Variants in TRIM44 observed in about 807,000 individuals in gnomAD.
TRIM44 encodes the protein tripartite motif-containing protein 44.
A neutral mutation model predicts 37.4 loss-of-function variants in TRIM44; 13 were observed. The observed-to-expected ratio is 0.35, with a 90% CI of 0.23 to 0.55. The LOEUF is 0.55. Among genes scored for constraint, TRIM44 ranks in the 20% least tolerant of loss-of-function variants. The probability of loss-of-function intolerance (pLI) is 0.89; values close to 1 mark genes in which losing one functional copy is unlikely to be tolerated. For missense variants in TRIM44, 426 were observed against 437.2 expected, an observed-to-expected ratio of 0.97 and a Z score of 0.23; for synonymous variants, 175 against 157.2, an observed-to-expected ratio of 1.11 and a Z score of -0.85.
At chr11:35,796,263 G>A (rs1590607405) in intron 4 of TRIM44, among the ~76,000 whole-genome samples, 8 of 149,478 alleles carry the variant, frequency 5.4e-5, no homozygotes, top group Admixed American at 5.3e-4. Context: ...TCGCTCGCTC[G>A]CTGTCACACA....
chr11:35,672,203 T>G (rs1851401079), intron 1 of TRIM44, among the ~76,000 whole-genome samples: 1 of 152,218 alleles, frequency 6.6e-6, no homozygotes. Flanking sequence ...AAATATATTT[T>G]ATACTGTGAT....
chr11:35,684,188 G>T (rs1396731992), intron 1 of TRIM44, among the ~76,000 whole-genome samples: 1 of 152,014 alleles, frequency 6.6e-6, no homozygotes, highest in Non-Finnish European at 1.5e-5. Context: ...TGTGGCTTTG[G>T]AGCACTTGTA....
chr11:35,740,488 T>C (rs1204167593), intron 4 of TRIM44, among the ~76,000 whole-genome samples: 1 of 152,148 alleles, frequency 6.6e-6, no homozygotes, highest in Non-Finnish European at 1.5e-5. Context: ...TTTTTAATAG[T>C]AACACCACAC....
At chr11:35,701,934 A>T (rs146778016) in intron 2 of TRIM44, among the ~76,000 whole-genome samples, 1 of 152,256 alleles carries the variant, frequency 6.6e-6, no homozygotes, top group East Asian at 1.9e-4. Context: ...TCCTTTTCCC[A>T]GAGAGGCCCT....
rs1326181334 is a variant in TRIM44 at position 35,706,226 on chromosome 11, T to G, written c.748-19698T>G. On this transcript the variant is annotated intron_variant, in intron 2 of 4. Transcript: ENST00000299413. ...GACTAAACCAGGAAGAAGTTGAATC[T>G]CTGAATAGACCAATAACAGGCTCTG... Among the ~76,000 whole-genome samples, 6 of 149,208 alleles carry G rather than the reference T, an allele frequency of 4.0e-5. 1 individual carries two copies. The highest frequency in any genetic ancestry group is 1.5e-4 in the African/African-American group (6 of 41,214).
In TRIM44 at chr11:35,663,586, G is replaced by A; in HGVS notation, c.475G>A (p.Ala159Thr). 2 of 1,614,122 alleles carry A rather than the reference G, an allele frequency of 1.2e-6. No homozygotes were observed. ...ATCCGAGGCGGAGGGAGAAACTGAGGCAGAAAGTGAATTTGACCCAGAAAT... is the reference window on the plus strand; with the variant it reads ...ATCCGAGGCGGAGGGAGAAACTGAGACAGAAAGTGAATTTGACCCAGAAAT... ...GESEAEGETE[A>T]ESEFDPEIEM... Residue 159 changes from alanine (A) to threonine (T), a missense_variant, in exon 1 of 5, where the codon GCA becomes ACA. Ala to Thr is a moderately conservative substitution (Grantham distance 58, BLOSUM62 0). Transcript: ENST00000299413.
Position 35,816,661 on chromosome 11 carries a change from G to A in TRIM44, c.*10276G>A, listed in dbSNP as rs1853584044. ...AAAAAAGAGCAATGTGCCGTCTTCT[G>A]TCTTTGGAAAATGGGACAAGCTTGC... On this transcript the variant is annotated 3_prime_UTR_variant, in exon 5 of 5. Transcript: ENST00000299413. The A allele has an allele frequency of 6.6e-6, 1 of 152,232 alleles. No homozygotes were observed. Among genetic ancestry groups the A allele is most frequent in the African/African-American group, 2.4e-5 (1 of 41,468 alleles). 9.4% of individuals were successfully genotyped at this position (152,232 alleles called of 1,614,324 possible).
chr11:35,677,518 A>C (rs1465242589), intron 1 of TRIM44, among the ~76,000 whole-genome samples: 1 of 152,126 alleles, frequency 6.6e-6, no homozygotes, highest in Non-Finnish European at 1.5e-5. Context: ...CAGAAATTAT[A>C]ACTAACATTT....
At chr11:35,768,262 G>A (rs1374704555) in intron 4 of TRIM44, among the ~76,000 whole-genome samples, 1 of 152,188 alleles carries the variant, frequency 6.6e-6, no homozygotes, top group Non-Finnish European at 1.5e-5. Context: ...ACCATGCAAA[G>A]TAGCTTGCAT....
At chr11:35,728,241 G>A (rs367587119) in intron 3 of TRIM44, among the ~76,000 whole-genome samples, 2 of 152,114 alleles carry the variant, frequency 1.3e-5, no homozygotes, top group Admixed American at 6.5e-5. Context: ...CAGAAGAATC[G>A]CTTGAACCCA....
chr11:35,691,108 A>G (rs1321889348), intron 2 of TRIM44, among the ~76,000 whole-genome samples: 3 of 152,210 alleles, frequency 2.0e-5, no homozygotes, highest in Non-Finnish European at 4.4e-5. Flanking sequence ...TCCAACAGAA[A>G]ATGTGGGGAG....
chr11:35,702,912 A>G (rs1168685917), intron 2 of TRIM44, among the ~76,000 whole-genome samples: 1 of 152,220 alleles, frequency 6.6e-6, no homozygotes, highest in Non-Finnish European at 1.5e-5. Flanking sequence ...GGCGCAGGAC[A>G]GTGGGTGCAG....
At chr11:35,706,111 T>C (rs371023615) in intron 2 of TRIM44, among the ~76,000 whole-genome samples, 1 of 148,606 alleles carries the variant, frequency 6.7e-6, no homozygotes, top group Non-Finnish European at 1.5e-5. Flanking sequence ...ATGCAAACTA[T>C]CATCAGAGAA....
chr11:35,707,831 A>G (rs1332712893), intron 2 of TRIM44, among the ~76,000 whole-genome samples: 18 of 137,692 alleles, frequency 1.3e-4, no homozygotes, highest in African/African-American at 4.5e-4. Flanking sequence ...AGGCAATACC[A>G]TTCAAGACAC....
intron 4 of TRIM44, among the ~76,000 whole-genome samples, chr11:35,794,322 C>T (rs1396520028): frequency 1.3e-5 from 2 of 152,224 alleles, no homozygotes; most frequent in Non-Finnish European, 2.9e-5. Flanking sequence ...TCCAAGCCTG[C>T]CTTGAGAACA....
chr11:35,734,399 C>T (rs1252688150), intron 3 of TRIM44, among the ~76,000 whole-genome samples: 1 of 152,158 alleles, frequency 6.6e-6, no homozygotes, highest in Non-Finnish European at 1.5e-5. Flanking sequence ...GGCAAAATAA[C>T]ATGAGTAAGC....
At chr11:35,687,328 C>T (rs1237085500) in intron 2 of TRIM44, among the ~76,000 whole-genome samples, 1 of 152,188 alleles carries the variant, frequency 6.6e-6, no homozygotes, top group African/African-American at 2.4e-5. Flanking sequence ...CTCTTGTCTT[C>T]TGGTGTAGTC....
chr11:35,674,821 G>A (rs1851440984), intron 1 of TRIM44, among the ~76,000 whole-genome samples: 1 of 152,168 alleles, frequency 6.6e-6, no homozygotes, highest in Non-Finnish European at 1.5e-5. Flanking sequence ...GCTTATTTGT[G>A]TGTATTAGAG....
chr11:35,728,068 G>C (rs1183938863), intron 3 of TRIM44, among the ~76,000 whole-genome samples: 1 of 152,240 alleles, frequency 6.6e-6, no homozygotes, highest in Admixed American at 6.5e-5. Flanking sequence ...GCTCACGCCT[G>C]TAATCCCAGC....
Sources: allele counts gnomAD v4.1 joint callset (sites outside exome capture counted in the v4.1 genomes callset), GRCh38; gene constraint gnomAD v4.1.1; transcripts MANE v1.5; gene names NCBI Gene and HGNC (gene_info 2026-07-23, HGNC 2026-07-21).